The following PI3 variants were observed in gnomAD, a reference collection of about 807,000 sequenced individuals.
The protein encoded by PI3 is elafin.
In PI3, 4 loss-of-function variants were observed where a neutral mutation model predicts 6.0. That is an observed-to-expected ratio of 0.67 (90% CI 0.33 to 1.54). PI3 has a LOEUF of 1.54. Among genes scored for constraint, PI3 ranks in the 40% most tolerant of loss-of-function variants. The pLI is 0.06. For synonymous variants in PI3, 58 were observed against 56.9 expected, an observed-to-expected ratio of 1.02 and a Z score of -0.09; for missense variants, 149 against 147.6, an observed-to-expected ratio of 1.01 and a Z score of -0.05.
At position 45,175,016 on chromosome 20, in the gene PI3, G is replaced by A; in HGVS notation, c.79+15G>A. On this transcript the variant is annotated intron_variant, in intron 1 of 2. Coordinates refer to ENST00000243924, the MANE Select transcript of PI3 (RefSeq NM_002638.4). ...TGTCACGGGAGGTGAGTGAACAGGT[G>A]ACCTGCTGGGCTGGGTTGGACTAAG... is the stretch of plus-strand genomic sequence containing the variant. 3 of 1,605,430 alleles carry A rather than the reference G, an allele frequency of 1.9e-6. No individual in the cohort carries two copies. The African/African-American group carries it at 4.0e-5, about 21-fold the overall frequency.
intron 1 of PI3, 83 bp from the exon 2 acceptor site, chr20:45,175,778 G>C: frequency 2.1e-6 from 3 of 1,448,750 alleles, no homozygotes; most frequent in Non-Finnish European, 2.9e-6. Flanking sequence ...AGCAGTGGAT[G>C]GACCCAGACC....
In PI3 at chr20:45,176,398, C is replaced by T. The variant is rs1246461536; in HGVS notation, c.*30C>T. 1.2e-5 allele frequency: 6 copies of T among 519,896 alleles called. No individual in the cohort carries two copies. The highest frequency in any genetic ancestry group is 4.5e-5 in the South Asian group (2 of 44,856). 32.2% of individuals were successfully genotyped at this position (519,896 alleles called of 1,614,324 possible). On this transcript the variant is annotated 3_prime_UTR_variant, in exon 3 of 3. Coordinates refer to ENST00000243924, the MANE Select transcript of PI3 (RefSeq NM_002638.4). ...GAGCCGGTCCTTGCTGCACCTGTGC[C>T]GTCCCCAGAGCTACAGGCCCCATCT...
rs755521533 is a variant in PI3, at chr20:45,174,973, G to A, written c.51G>A (p.Thr17=). ...LIVVVFLIAG[T]LVLEAAVTGV... is the part of the protein sequence containing the mutation. The stretch of plus-strand genomic sequence containing the variant: ...TGGTGGTGTTCCTCATCGCTGGGAC[G>A]CTGGTTCTAGAGGCAGCTGTCACGG... Residue 17 remains threonine (T), a synonymous_variant, in exon 1 of 3, where the codon ACG becomes ACA. Coordinates refer to ENST00000243924, the MANE Select transcript of PI3 (RefSeq NM_002638.4). 2.5e-6 allele frequency: 4 copies of A among 1,612,818 alleles called. No individual in the cohort carries two copies. Among genetic ancestry groups the A allele is most frequent in the South Asian group, 2.2e-5 (2 of 90,982 alleles).
At chr20:45,176,335 C>G (rs1982794391) in intron 2 of PI3, 35 bp from the exon 3 acceptor site, 5 of 604,472 alleles carry the variant, frequency 8.3e-6, no homozygotes, top group South Asian at 2.0e-5. Flanking sequence ...CTTTGATGTG[C>G]TGACTCTCAC....
intron 1 of PI3, 120 bp downstream of exon 1, chr20:45,175,121 C>T (rs1982765123): frequency 1.6e-6 from 1 of 616,226 alleles, no homozygotes. Context: ...CAGATTTCAG[C>T]TTTCTGTTCT....
intron 1 of PI3, among the ~76,000 whole-genome samples, 163 bp from the exon 2 acceptor site, chr20:45,175,698 G>A (rs1442020230): frequency 1.3e-5 from 2 of 152,294 alleles, no homozygotes; most frequent in African/African-American, 4.8e-5. Context: ...AAAAGGAAGA[G>A]CCTTCCAAGA....
chr20:45,176,293 G>A, intron 2 of PI3, 77 bp from the exon 3 acceptor site: 2 of 662,558 alleles, frequency 3.0e-6, no homozygotes, highest in Non-Finnish European at 2.6e-6. Flanking sequence ...GTGCCTAGAA[G>A]GATGATCTGT....
At chr20:45,175,816 G>A in intron 1 of PI3, 45 bp from the exon 2 acceptor site, 1 of 1,597,942 alleles carries the variant, frequency 6.3e-7, no homozygotes, top group Non-Finnish European at 8.5e-7. Flanking sequence ...AGCTGAAGCA[G>A]AGGCTTACTG....
intron 1 of PI3, 109 bp from the exon 2 acceptor site, chr20:45,175,752 T>G: frequency 3.5e-6 from 4 of 1,135,192 alleles, no homozygotes; most frequent in Non-Finnish European, 5.2e-6. Context: ...GGCCATGGTT[T>G]GAGGATGCTG....
chr20:45,175,423 C>A (rs576379077), intron 1 of PI3, among the ~76,000 whole-genome samples: 3 of 152,134 alleles, frequency 2.0e-5, no homozygotes, highest in African/African-American at 7.2e-5. Context: ...GTTTGAGGAC[C>A]CCCATTTTAT....
Position 45,175,927 on chromosome 20 carries a change from G to C in PI3, c.146G>C (p.Gly49Ala). The C allele has an allele frequency of 6.2e-7, 1 of 1,614,174 alleles. No individual in the cohort carries two copies. The highest frequency in any genetic ancestry group is 1.1e-5 in the South Asian group (1 of 91,072). ...VPFNGQDPVK[G>A]QVSVKGQDKV... ...TTCAATGGACAAGATCCCGTTAAAGGACAAGTTTCAGTTAAAGGTCAAGAT... is the reference window on the plus strand; with the variant it reads ...TTCAATGGACAAGATCCCGTTAAAGCACAAGTTTCAGTTAAAGGTCAAGAT... Residue 49 changes from glycine (G) to alanine (A), a missense_variant, in exon 2 of 3, where the codon GGA becomes GCA. Coordinates refer to ENST00000243924, the MANE Select transcript of PI3 (RefSeq NM_002638.4).
At chr20:45,175,252 G>T (rs1484263024) in intron 1 of PI3, among the ~76,000 whole-genome samples, 1 of 152,204 alleles carries the variant, frequency 6.6e-6, no homozygotes, top group Non-Finnish European at 1.5e-5. Flanking sequence ...CTTGGCCTCA[G>T]ATGTCAATAC....
At chr20:45,176,274 A>C (rs2145560399) in intron 2 of PI3, 96 bp from the exon 3 acceptor site, 3 of 766,280 alleles carry the variant, frequency 3.9e-6, no homozygotes, top group African/African-American at 1.7e-5. Context: ...CTGAGAGGCT[A>C]TAACCAGAGT....
chr20:45,175,084 T>A (rs1983649), intron 1 of PI3, 83 bp downstream of exon 1: 557,596 of 969,942 alleles, frequency 0.57, 162,182 homozygotes, highest in Non-Finnish European at 0.6. Context: ...AGGGAGCACT[T>A]CTGAAGCAGT....
At chr20:45,175,042 GGGA>G (rs1467709364) in intron 1 of PI3, 41 bp downstream of exon 1, 1 of 1,541,388 alleles carries the variant, frequency 6.5e-7, no homozygotes, top group Non-Finnish European at 8.9e-7. Flanking sequence ...TTGGACTAAG[GGGA>G]GACCCTCTGG....
Position 45,176,009 on chromosome 20 carries a change from C to T in PI3, c.228C>T (p.Cys76=). Residue 76 remains cysteine, a synonymous_variant, in exon 2 of 3, where the codon TGC becomes TGT. Coordinates refer to ENST00000243924, the MANE Select transcript of PI3 (RefSeq NM_002638.4). ...KGPVSTKPGS[C]PIILIRCAML... ...CAGTCTCCACTAAGCCTGGCTCCTG[C>T]CCCATTATCTTGATCCGGTGCGCCA... 1 of 1,614,182 alleles carries T rather than the reference C, an allele frequency of 6.2e-7. No individual in the cohort carries two copies. The highest frequency in any genetic ancestry group is 8.5e-7 in the Non-Finnish European group (1 of 1,180,022).
chr20:45,176,444 C>A lies in PI3; in HGVS notation c.*76C>A. Reference sequence around the variant, plus strand: ...CATCTGGTCCTAAGTCCCTGCTGCCCTTCCCCTTCCCACACTGTCCATTCT... The same window carrying A: ...CATCTGGTCCTAAGTCCCTGCTGCCATTCCCCTTCCCACACTGTCCATTCT... On this transcript the variant is annotated 3_prime_UTR_variant, in exon 3 of 3. Transcript: ENST00000243924. 2.5e-6 allele frequency: 1 copy of A among 402,160 alleles called. No individual in the cohort carries two copies. Among genetic ancestry groups the A allele is most frequent in the Non-Finnish European group, 4.6e-6 (1 of 218,060 alleles). The allele number at this position is 402,160 out of a possible 1,614,324, so 24.9% of individuals were successfully genotyped here.
At position 45,174,965 on chromosome 20, in the gene PI3, G is replaced by A. The variant is rs41282752; in HGVS notation, c.43G>A (p.Ala15Thr). Residue 15 changes from alanine to threonine, a missense_variant, in exon 1 of 3, where the codon GCT (alanine) becomes ACT (threonine). By Grantham distance (58) the Ala-to-Thr change is moderately conservative. Transcript: ENST00000243924. ...CTTGATCGTGGTGGTGTTCCTCATCGCTGGGACGCTGGTTCTAGAGGCAGC... is the reference window on the plus strand; with the variant it reads ...CTTGATCGTGGTGGTGTTCCTCATCACTGGGACGCTGGTTCTAGAGGCAGC... ...SFLIVVVFLI[A>T]GTLVLEAAVT... is the part of the protein sequence containing the mutation. 0.034 allele frequency: 54,342 copies of A among 1,612,976 alleles called. 1,132 individuals are homozygous for A. Among genetic ancestry groups the A allele is most frequent in the Non-Finnish European group, 0.038 (45,111 of 1,179,290 alleles).
intron 2 of PI3, 98 bp from the exon 3 acceptor site, chr20:45,176,272 C>A: frequency 1.3e-6 from 1 of 790,900 alleles, no homozygotes; most frequent in Non-Finnish European, 2.0e-6. Flanking sequence ...GTCTGAGAGG[C>A]TATAACCAGA....
Sources: allele counts gnomAD v4.1 joint callset (sites outside exome capture counted in the v4.1 genomes callset), GRCh38; gene constraint gnomAD v4.1.1; transcripts MANE v1.5; gene names NCBI Gene and HGNC (gene_info 2026-07-23, HGNC 2026-07-21).